The following PIWIL1 variants were observed in gnomAD, a reference collection of about 807,000 sequenced individuals.
The protein encoded by PIWIL1 is piwi-like protein 1.
PIWIL1 carries 73 observed loss-of-function variants against 114.4 expected under a neutral mutation model. The ratio of observed to expected loss-of-function variants is 0.64; its 90% CI spans 0.53 to 0.78. The LOEUF (loss-of-function observed/expected upper bound fraction) is 0.78. PIWIL1 is among the 30% of genes least tolerant of loss of function. PIWIL1 has a pLI of 0.00. For missense variants in PIWIL1, 723 were observed against 1,063.1 expected (o/e 0.68, Z 4.45); for synonymous variants, 375 against 369.0 (o/e 1.02, Z -0.19).
the PIWIL1 span, among the ~76,000 whole-genome samples, chr12:130,400,180 C>T: frequency 3.3e-5 from 5 of 152,278 alleles, no homozygotes; most frequent in African/African-American, 1.2e-4. Context: ...GCTAAAAACA[C>T]ATCGCTCAGC....
the PIWIL1 span, among the ~76,000 whole-genome samples, chr12:130,418,377 A>C: frequency 6.6e-6 from 1 of 152,188 alleles, no homozygotes. Flanking sequence ...ATAGAATGTG[A>C]AGCGCTCCAT....
intron 9 of PIWIL1, 76 bp downstream of exon 9, chr12:130,350,043 T>G: frequency 1.3e-6 from 1 of 783,342 alleles, no homozygotes; most frequent in Non-Finnish European, 2.1e-6. Context: ...TGTTGCACAT[T>G]TGGAACAAGT....
chr12:130,342,040 G>T (rs2072929865), intron 1 of PIWIL1, among the ~76,000 whole-genome samples: 1 of 152,138 alleles, frequency 6.6e-6, no homozygotes, highest in Non-Finnish European at 1.5e-5. Flanking sequence ...ACTAGTTTGG[G>T]TATGTTCAGT....
chr12:130,346,693 A>G, intron 5 of PIWIL1, 109 bp downstream of exon 5: 1 of 934,764 alleles, frequency 1.1e-6, no homozygotes. Flanking sequence ...CCTGTCTGAT[A>G]TGACTTGGAA....
intron 13 of PIWIL1, 83 bp from the exon 14 acceptor site, chr12:130,357,398 C>A: frequency 2.0e-6 from 2 of 995,392 alleles, no homozygotes; most frequent in African/African-American, 3.2e-5. Flanking sequence ...GGAAACGTTT[C>A]CTGTGTTACA....
rs1309480548 is a variant in PIWIL1, at chr12:130,372,141, G to A, written c.*543G>A. 6.6e-6 allele frequency: 1 copy of A among 152,026 alleles called. No homozygotes were observed. The highest frequency in any genetic ancestry group is 6.6e-5 in the Admixed American group (1 of 15,254). 9.4% of individuals were successfully genotyped at this position (152,026 alleles called of 1,614,324 possible). A position where few individuals can be genotyped will look rare whatever the true frequency, so the allele number is the denominator to read the frequency against. ...AATATGCTTGATTTTTATTTGGCAG[G>A]GGGGCTAGGTTGTATGGGAGTAAAA... On this transcript the variant is annotated 3_prime_UTR_variant, in exon 21 of 21. Coordinates refer to ENST00000245255, the MANE Select transcript of PIWIL1 (RefSeq NM_004764.5).
At chr12:130,355,813 G>A in intron 12 of PIWIL1, 146 bp downstream of exon 12, 1 of 646,626 alleles carries the variant, frequency 1.5e-6, no homozygotes. Context: ...GTGAGGCTTG[G>A]GTCAGATCAC....
At chr12:130,346,209 G>A (rs1424201294) in intron 4 of PIWIL1, among the ~76,000 whole-genome samples, 161 bp from the exon 5 acceptor site, 1 of 152,210 alleles carries the variant, frequency 6.6e-6, no homozygotes, top group African/African-American at 2.4e-5. Context: ...CCTAAAGAGA[G>A]AGACTAGTGG....
Position 130,361,331 on chromosome 12 carries a change from T to A in PIWIL1, c.1817T>A (p.Leu606Gln). ...TVMAIATKIA[L>Q]QMNCKMGGEL... ...ATGGCCATTGCTACAAAGATTGCCCTACAGATGAACTGCAAGATGGGAGGA... is the reference window on the plus strand; with the variant it reads ...ATGGCCATTGCTACAAAGATTGCCCAACAGATGAACTGCAAGATGGGAGGA... Residue 606 changes from leucine to glutamine, a missense_variant, in exon 15 of 21, where the codon CTA becomes CAA. Leu to Gln is a moderately radical substitution (Grantham distance 113). Around this residue, in one of 8 missense-constraint regions of PIWIL1, gnomAD observed 298 missense variants for 420.8 expected, o/e 0.71. Transcript: ENST00000245255. The A allele has an allele frequency of 6.2e-7, 1 of 1,614,236 alleles. No individual in the cohort carries two copies.
At chr12:130,424,535 C>A in the PIWIL1 span, 3 of 1,231,846 alleles carry the variant, frequency 2.4e-6, no homozygotes, top group Non-Finnish European at 3.0e-6. This position sits in a 1 kb window ranked among gnomAD's most constrained non-coding sequence, Gnocchi z 9.8. Context: ...TCCGGGTGGC[C>A]GAGCGGCTGA....
intron 19 of PIWIL1, among the ~76,000 whole-genome samples, chr12:130,370,800 C>T (rs368721849): frequency 2.0e-5 from 3 of 152,226 alleles, no homozygotes; most frequent in South Asian, 2.1e-4. Flanking sequence ...CACTCGCTGC[C>T]CCCACAGGTC....
chr12:130,402,543 G>T, the PIWIL1 span, among the ~76,000 whole-genome samples: 1 of 152,112 alleles, frequency 6.6e-6, no homozygotes, highest in Admixed American at 6.5e-5. Context: ...ACCCTTTACA[G>T]AATAACTTTC....
At chr12:130,395,890 C>CTGGT in the PIWIL1 span, among the ~76,000 whole-genome samples, 1 of 151,986 alleles carries the variant, frequency 6.6e-6, no homozygotes, top group African/African-American at 2.4e-5. Flanking sequence ...TGAATTCATC[C>CTGGT]TGGTAGTGCT....
At chr12:130,407,315 A>C in the PIWIL1 span, among the ~76,000 whole-genome samples, 24 of 152,278 alleles carry the variant, frequency 1.6e-4, no homozygotes, top group Non-Finnish European at 3.4e-4. Flanking sequence ...CAGGCGACAC[A>C]ACCTCACCTA....
At chr12:130,425,838 C>T in the PIWIL1 span, 1 of 152,394 alleles carries the variant, frequency 6.6e-6, no homozygotes, top group Non-Finnish European at 1.5e-5. Flanking sequence ...AACAGGGCCA[C>T]TTGTCTGTCC....
the PIWIL1 span, among the ~76,000 whole-genome samples, chr12:130,391,779 A>G: frequency 9.5e-6 from 1 of 105,516 alleles, no homozygotes; most frequent in Non-Finnish European, 1.9e-5. Flanking sequence ...GGATGCAGAC[A>G]GGCCACCTGC....
chr12:130,346,795 A>T, intron 5 of PIWIL1, 146 bp from the exon 6 acceptor site: 1 of 1,039,168 alleles, frequency 9.6e-7, no homozygotes, highest in Non-Finnish European at 1.4e-6. Context: ...ACACTTAGCC[A>T]CTCTTTTTCT....
At chr12:130,407,776 C>T in the PIWIL1 span, 5 of 1,614,114 alleles carry the variant, frequency 3.1e-6, no homozygotes, top group Middle Eastern at 3.3e-4. Context: ...TCATACAGGG[C>T]CACCATTCTC....
At chr12:130,416,621 C>T in the PIWIL1 span, among the ~76,000 whole-genome samples, 5 of 152,196 alleles carry the variant, frequency 3.3e-5, no homozygotes, top group African/African-American at 1.2e-4. Context: ...TACACAAATA[C>T]TGCAAGAAAA....
Sources: gnomAD v4.1 joint callset for allele counts (sites outside exome capture counted in the v4.1 genomes callset) on GRCh38, gnomAD v4.1.1 for gene constraint, gnomAD v4.1.1 regional missense constraint, Gnocchi (gnomAD v3.1) non-coding constraint, MANE v1.5 for transcripts, NCBI Gene and HGNC (gene_info 2026-07-23, HGNC 2026-07-21) for gene names.